TMPRSS11A: variants seen among roughly 807,000 people sequenced by gnomAD.
TMPRSS11A encodes transmembrane protease serine 11A.
In TMPRSS11A, 53 loss-of-function variants were observed where a neutral mutation model predicts 58.9. That is an observed-to-expected ratio of 0.90 (90% CI 0.72 to 1.13). TMPRSS11A has a LOEUF of 1.13. Ranked by LOEUF, TMPRSS11A falls within the 50% of genes most tolerant of loss-of-function variation. The pLI is 0.00. For missense variants in TMPRSS11A, 493 were observed against 499.3 expected, an observed-to-expected ratio of 0.99 and a Z score of 0.12; for synonymous variants, 167 against 169.8, an observed-to-expected ratio of 0.98 and a Z score of 0.13.
chr4:67,932,006 C>T lies in TMPRSS11A; in HGVS notation c.307G>A (p.Val103Ile), dbSNP rs1393926730. 31 of 1,602,364 alleles carry T rather than the reference C, an allele frequency of 1.9e-5. No individual in the cohort carries two copies. The Admixed American group carries it at 5.2e-4, about 27-fold the overall frequency. Residue 103 changes from valine to isoleucine, a missense_variant, in exon 4 of 10, where the codon GTA becomes ATA. By Grantham distance (29) the Val-to-Ile change is conservative (BLOSUM62 3). Transcript: ENST00000508048. The stretch of plus-strand genomic sequence containing the variant: ...AAACATACATACGTCAGTCTGACTA[C>T]TTGGTTCTTGATATAATTTTTCTTC... The part of the protein sequence containing the change: ...AWKKNYIKNQ[V>I]VRLTPEEDGV...
intron 1 of TMPRSS11A, among the ~76,000 whole-genome samples, chr4:67,948,207 G>A (rs1398021148): frequency 1.4e-5 from 2 of 141,444 alleles, no homozygotes; most frequent in Non-Finnish European, 3.0e-5. Context: ...CTGCCAGGCT[G>A]GAGTGCAGTG....
rs58492227 is a variant in TMPRSS11A, at chr4:67,912,281, A to AACAC, written c.1096-782_1096-779dup. On this transcript the variant is annotated intron_variant, in intron 9 of 9. Coordinates refer to ENST00000508048, the MANE Select transcript of TMPRSS11A (RefSeq NM_001114387.2). ...TCCTCTGAAGCTGTTCCACCATATC[A>AACAC]ACACACACACACACACACACACACA... Among the ~76,000 whole-genome samples, 1,367 of 149,818 alleles carry AACAC rather than the reference A, an allele frequency of 9.1e-3. 15 individuals are homozygous for AACAC. Among genetic ancestry groups the AACAC allele is most frequent in the African/African-American group, 0.031 (1,278 of 40,844 alleles).
intron 3 of TMPRSS11A, among the ~76,000 whole-genome samples, chr4:67,933,733 T>C (rs1720686618): frequency 6.6e-6 from 1 of 152,166 alleles, no homozygotes; most frequent in Non-Finnish European, 1.5e-5. Context: ...CAGCCAGCTC[T>C]ACTACTCAGT....
chr4:67,911,855 C>G (rs1719989584), intron 9 of TMPRSS11A, among the ~76,000 whole-genome samples: 1 of 152,138 alleles, frequency 6.6e-6, no homozygotes, highest in South Asian at 2.1e-4. Flanking sequence ...CTTATAGTAT[C>G]TAACTCCTTA....
chr4:67,917,583 G>A (rs1010839496), intron 8 of TMPRSS11A, among the ~76,000 whole-genome samples: 1 of 152,274 alleles, frequency 6.6e-6, no homozygotes, highest in African/African-American at 2.4e-5. Flanking sequence ...GATTAAGAAT[G>A]ATAGGTTAAT....
chr4:67,953,917 A>G (rs988805510), intron 1 of TMPRSS11A, among the ~76,000 whole-genome samples: 9 of 152,344 alleles, frequency 5.9e-5, no homozygotes, highest in African/African-American at 2.2e-4. Flanking sequence ...AGAGGAAGAA[A>G]CAAAGAAAAC....
chr4:67,936,187 A>G (rs77297513), intron 3 of TMPRSS11A, among the ~76,000 whole-genome samples: 1,998 of 152,280 alleles, frequency 0.013, 25 homozygotes, highest in Middle Eastern at 0.02. Flanking sequence ...GATGGGCAGC[A>G]AGCAGTTTGT....
In TMPRSS11A at chr4:67,963,488, C is replaced by A; in HGVS notation, c.-95G>T. On this transcript the variant is annotated 5_prime_UTR_variant, in exon 1 of 10. Coordinates refer to ENST00000508048, the MANE Select transcript of TMPRSS11A (RefSeq NM_001114387.2). ...CATCTCTAGATGTATTAGAAGTCTA[C>A]GGCTCAAAGAAATAAGGAAACAAAT... 1 of 1,384,764 alleles carries A rather than the reference C, an allele frequency of 7.2e-7. No homozygotes were observed. The highest frequency in any genetic ancestry group is 1.0e-6 in the Non-Finnish European group (1 of 993,894). 85.8% of individuals were successfully genotyped at this position (1,384,764 alleles called of 1,614,324 possible).
At chr4:67,954,102 A>G (rs1721224825) in intron 1 of TMPRSS11A, among the ~76,000 whole-genome samples, 1 of 152,224 alleles carries the variant, frequency 6.6e-6, no homozygotes, top group South Asian at 2.1e-4. Flanking sequence ...AGGGAAGGAA[A>G]GTTAGGAACC....
At chr4:67,927,654 G>T (rs1332606755) in intron 5 of TMPRSS11A, among the ~76,000 whole-genome samples, 2 of 152,192 alleles carry the variant, frequency 1.3e-5, no homozygotes, top group African/African-American at 4.8e-5. Context: ...TTGGGCAAAG[G>T]CACCAACCAC....
At chr4:67,960,014 AC>A (rs1721386280) in intron 1 of TMPRSS11A, among the ~76,000 whole-genome samples, 1 of 152,210 alleles carries the variant, frequency 6.6e-6, no homozygotes, top group South Asian at 2.1e-4. Context: ...CTTTGCAGCA[AC>A]ATAGATGAAG....
chr4:67,931,626 T>C, intron 4 of TMPRSS11A, among the ~76,000 whole-genome samples: 1 of 152,194 alleles, frequency 6.6e-6, no homozygotes, highest in East Asian at 1.9e-4. Flanking sequence ...GTTGAAATAA[T>C]ATAATTGTCA....
intron 6 of TMPRSS11A, 29 bp downstream of exon 6, chr4:67,924,099 A>G (rs776163752): frequency 1.9e-6 from 3 of 1,595,226 alleles, no homozygotes; most frequent in East Asian, 4.5e-5. Context: ...TGAAAATTGA[A>G]CTTGTTTATA....
intron 5 of TMPRSS11A, among the ~76,000 whole-genome samples, chr4:67,928,463 G>A (rs1720530187): frequency 6.6e-6 from 1 of 152,198 alleles, no homozygotes; most frequent in Non-Finnish European, 1.5e-5. Context: ...AGACCAGGCA[G>A]CCAATGAACA....
chr4:67,958,972 C>G (rs748574645), intron 1 of TMPRSS11A, among the ~76,000 whole-genome samples: 6 of 152,294 alleles, frequency 3.9e-5, no homozygotes, highest in African/African-American at 1.4e-4. Flanking sequence ...GACAATCATG[C>G]CTTTTACCTT....
intron 4 of TMPRSS11A, among the ~76,000 whole-genome samples, 192 bp from the exon 5 acceptor site, chr4:67,930,232 T>A (rs77213435): frequency 0.016 from 2,429 of 152,292 alleles, 59 homozygotes; most frequent in African/African-American, 0.055. Flanking sequence ...TTTCAGTGCA[T>A]TTCCCCCATT....
chr4:67,930,626 G>A (rs534240332), intron 4 of TMPRSS11A, among the ~76,000 whole-genome samples: 2 of 151,748 alleles, frequency 1.3e-5, no homozygotes, highest in South Asian at 2.1e-4. Context: ...TGGTCCCCGA[G>A]TCTTCTCCAA....
At chr4:67,912,504 T>C (rs963167168) in intron 9 of TMPRSS11A, among the ~76,000 whole-genome samples, 1 of 152,204 alleles carries the variant, frequency 6.6e-6, no homozygotes, top group Non-Finnish European at 1.5e-5. Context: ...CCCTCTCAAG[T>C]AGTTTCCTAA....
intron 1 of TMPRSS11A, among the ~76,000 whole-genome samples, chr4:67,959,119 A>C (rs1030568710): frequency 3.9e-5 from 6 of 152,228 alleles, no homozygotes; most frequent in Non-Finnish European, 8.8e-5. Context: ...AGATTTGGAA[A>C]AGAAGGAAAA....
Sources: allele counts gnomAD v4.1 joint callset (sites outside exome capture counted in the v4.1 genomes callset), GRCh38; gene constraint gnomAD v4.1.1; transcripts MANE v1.5; gene names NCBI Gene and HGNC (gene_info 2026-07-23, HGNC 2026-07-21).